CAST: variants seen among roughly 807,000 people sequenced by gnomAD.
CAST encodes calpastatin.
In CAST, 76 loss-of-function variants were observed where a neutral mutation model predicts 119.6. That is an observed-to-expected ratio of 0.64 (90% CI 0.53 to 0.77). CAST has a LOEUF of 0.77. CAST is among the 30% of genes least tolerant of loss of function. The pLI, the probability that CAST is intolerant of heterozygous loss-of-function variation, is 0.00. For synonymous variants in CAST, 319 were observed against 331.6 expected (o/e 0.96, Z 0.41); for missense variants, 953 against 946.5 (o/e 1.01, Z -0.09).
the CAST span, among the ~76,000 whole-genome samples, chr5:96,131,894 G>A: frequency 6.6e-6 from 1 of 152,168 alleles, no homozygotes; most frequent in Non-Finnish European, 1.5e-5. Context: ...TGGCAGCCAT[G>A]GGACATGTCT....
At chr5:95,989,166 G>A in the CAST span, among the ~76,000 whole-genome samples, 15 of 152,110 alleles carry the variant, frequency 9.9e-5, no homozygotes, top group Non-Finnish European at 1.3e-4. Flanking sequence ...TAACTAAGCC[G>A]CCTTAAAAAC....
At chr5:96,304,963 G>A in the CAST span, among the ~76,000 whole-genome samples, 5 of 152,146 alleles carry the variant, frequency 3.3e-5, no homozygotes, top group Non-Finnish European at 5.9e-5. Flanking sequence ...AAAATTTAAA[G>A]TAGTCTTTTC....
the CAST span, among the ~76,000 whole-genome samples, chr5:96,228,195 G>C: frequency 6.6e-6 from 1 of 152,094 alleles, no homozygotes; most frequent in Non-Finnish European, 1.5e-5. Flanking sequence ...GAAAGAGCTC[G>C]ATTCAGCTAG....
At chr5:96,006,097 A>G in the CAST span, among the ~76,000 whole-genome samples, 1 of 152,212 alleles carries the variant, frequency 6.6e-6, no homozygotes, top group East Asian at 1.9e-4. Context: ...TGGTTGACAG[A>G]TATTTTTTCC....
the CAST span, among the ~76,000 whole-genome samples, chr5:96,396,838 C>T: frequency 2.0e-5 from 3 of 152,118 alleles, no homozygotes; most frequent in Admixed American, 1.3e-4. Flanking sequence ...GAAATGCTTT[C>T]GGTTTGTTTC....
chr5:96,763,963 CA>C (rs35420188), intron 25 of CAST, among the ~76,000 whole-genome samples: 65 of 145,934 alleles, frequency 4.5e-4, no homozygotes, highest in African/African-American at 8.5e-4. Flanking sequence ...CTTTTTACCT[CA>C]AAAAAAAAAA....
chr5:96,657,665 G>A (rs1490163320), upstream of CAST, among the ~76,000 whole-genome samples: 1 of 152,052 alleles, frequency 6.6e-6, no homozygotes, highest in Non-Finnish European at 1.5e-5. Context: ...CAGATATTTG[G>A]GCTGCAAAAA....
the CAST span, among the ~76,000 whole-genome samples, chr5:96,053,676 G>GATAC: frequency 6.6e-6 from 1 of 152,154 alleles, no homozygotes; most frequent in Non-Finnish European, 1.5e-5. Flanking sequence ...ACTTTTCACA[G>GATAC]ATACATTTCA....
the CAST span, among the ~76,000 whole-genome samples, chr5:96,163,921 G>A: frequency 1.3e-5 from 2 of 152,120 alleles, no homozygotes; most frequent in African/African-American, 4.8e-5. Flanking sequence ...TGCTTATAAG[G>A]TATTTAACAA....
chr5:96,304,194 T>A, the CAST span, among the ~76,000 whole-genome samples: 129 of 152,382 alleles, frequency 8.5e-4, no homozygotes, highest in Non-Finnish European at 1.6e-3. Flanking sequence ...ATTTCTCTAA[T>A]GACAAGTGAT....
chr5:96,018,106 A>T, the CAST span, among the ~76,000 whole-genome samples: 2 of 152,196 alleles, frequency 1.3e-5, no homozygotes, highest in African/African-American at 4.8e-5. Context: ...TTCTGCAAGA[A>T]GTTTGTAAGG....
At chr5:96,043,906 AC>A in the CAST span, among the ~76,000 whole-genome samples, 1 of 152,228 alleles carries the variant, frequency 6.6e-6, no homozygotes, top group South Asian at 2.1e-4. Flanking sequence ...GGGAAGGCAA[AC>A]AAAAGCCCTG....
At chr5:96,385,422 G>T in the CAST span, among the ~76,000 whole-genome samples, 1 of 152,204 alleles carries the variant, frequency 6.6e-6, no homozygotes, top group African/African-American at 2.4e-5. Context: ...GGAGCAAAAA[G>T]ATAGGGTTGG....
chr5:95,961,822 C>A, the CAST span: 2 of 1,407,978 alleles, frequency 1.4e-6, no homozygotes, highest in South Asian at 2.9e-5. Context: ...CTGCTAGGGC[C>A]ATCCCGCTGC....
At chr5:96,520,501 GTGTGTCAGTGTGTGTGTT>G (rs796472224), upstream of CAST, among the ~76,000 whole-genome samples, 16 of 152,240 alleles carry the variant, frequency 1.1e-4, no homozygotes, top group African/African-American at 3.4e-4. Flanking sequence ...ATGTATGTCT[GTGTGTCAGTGTGTGTGTT>G]TGTGTCAGTG....
chr5:96,490,354 CTG>C, the CAST span, among the ~76,000 whole-genome samples: 6,092 of 149,504 alleles, frequency 0.041, 404 homozygotes, highest in African/African-American at 0.14. Context: ...ATGTGTGTGT[CTG>C]TGTGTGTGTG....
At chr5:96,560,686 A>C (rs560448433) in intron 1 of CAST, among the ~76,000 whole-genome samples, 59 of 152,262 alleles carry the variant, frequency 3.9e-4, no homozygotes, top group African/African-American at 1.0e-3. Context: ...GGCGATCATT[A>C]AAAAGTCAGG....
chr5:96,544,421 C>T (rs1745968295), intron 1 of CAST, among the ~76,000 whole-genome samples: 1 of 152,074 alleles, frequency 6.6e-6, no homozygotes, highest in African/African-American at 2.4e-5. Flanking sequence ...TTGTTATAAT[C>T]ACTTTTTAGT....
chr5:96,227,875 T>C, the CAST span, among the ~76,000 whole-genome samples: 8 of 152,214 alleles, frequency 5.3e-5, no homozygotes, highest in East Asian at 1.4e-3. Context: ...CGCGACTAAG[T>C]TTTGGCCAAC....
Sources: gnomAD v4.1 joint callset for allele counts (sites outside exome capture counted in the v4.1 genomes callset) on GRCh38, gnomAD v4.1.1 for gene constraint, MANE v1.5 for transcripts, NCBI Gene and HGNC (gene_info 2026-07-23, HGNC 2026-07-21) for gene names.